Variants in PRKCE observed in about 807,000 individuals in gnomAD.
PRKCE encodes the protein protein kinase C epsilon type.
A neutral mutation model predicts 85.4 loss-of-function variants in PRKCE; 16 were observed. The observed-to-expected ratio is 0.19, with a 90% CI of 0.13 to 0.28. PRKCE has a LOEUF of 0.28. Among genes scored for constraint, PRKCE ranks in the 10% least tolerant of loss-of-function variants. The pLI, the probability that PRKCE is intolerant of heterozygous loss-of-function variation, is 1.00. For synonymous variants in PRKCE, 388 were observed against 371.5 expected (o/e 1.04, Z -0.51); for missense variants, 573 against 975.2 (o/e 0.59, Z 5.49).
chr2:46,037,650 G>A (rs548749409), intron 10 of PRKCE, among the ~76,000 whole-genome samples: 27 of 152,198 alleles, frequency 1.8e-4, no homozygotes, highest in African/African-American at 6.0e-4. Context: ...GAAAACAACC[G>A]CAACTCCCAA....
chr2:45,956,972 C>G (rs1701016772), intron 2 of PRKCE, among the ~76,000 whole-genome samples: 1 of 151,930 alleles, frequency 6.6e-6, no homozygotes, highest in South Asian at 2.1e-4. Context: ...ATTTTTAGCT[C>G]ATTTTTTATT....
chr2:45,768,144 T>C (rs1470511446), intron 1 of PRKCE, among the ~76,000 whole-genome samples: 1 of 152,238 alleles, frequency 6.6e-6, no homozygotes, highest in Non-Finnish European at 1.5e-5. Context: ...CTTTTCCCAC[T>C]CTTCTCCTCC....
At chr2:45,797,346 G>A (rs548349207) in intron 1 of PRKCE, among the ~76,000 whole-genome samples, 2 of 152,290 alleles carry the variant, frequency 1.3e-5, no homozygotes, top group African/African-American at 4.8e-5. Context: ...CCTTACTAGG[G>A]TTTCTCAGCT....
chr2:46,059,625 G>A (rs371059279), intron 10 of PRKCE, among the ~76,000 whole-genome samples: 11 of 152,242 alleles, frequency 7.2e-5, no homozygotes, highest in South Asian at 4.2e-4. Context: ...TATTATTTTA[G>A]TTATTGCCTA....
At chr2:46,180,101 C>T (rs544489054) in intron 14 of PRKCE, among the ~76,000 whole-genome samples, 1 of 152,262 alleles carries the variant, frequency 6.6e-6, no homozygotes, top group East Asian at 1.9e-4. Flanking sequence ...GAAGAGGCCT[C>T]CTCAGTGTGG....
At chr2:45,937,843 G>A (rs1031259365) in intron 2 of PRKCE, among the ~76,000 whole-genome samples, 2 of 152,192 alleles carry the variant, frequency 1.3e-5, no homozygotes, top group African/African-American at 4.8e-5. Context: ...AACTCTGGAA[G>A]GTAGATATTA....
At chr2:45,734,085 G>T (rs997613554) in intron 1 of PRKCE, among the ~76,000 whole-genome samples, 2 of 152,210 alleles carry the variant, frequency 1.3e-5, no homozygotes, top group Non-Finnish European at 2.9e-5. Flanking sequence ...TTAAACCCTG[G>T]GCTGGGTGCG....
chr2:45,763,703 C>A (rs1684695151), intron 1 of PRKCE, among the ~76,000 whole-genome samples: 1 of 152,150 alleles, frequency 6.6e-6, no homozygotes, highest in Admixed American at 6.5e-5. Context: ...TCTGCCCAGA[C>A]TCAGTGAGCG....
intron 2 of PRKCE, among the ~76,000 whole-genome samples, chr2:45,858,768 C>T (rs1052551429): frequency 5.3e-5 from 8 of 152,018 alleles, no homozygotes; most frequent in Non-Finnish European, 1.2e-4. Flanking sequence ...AGGCCGGGTG[C>T]GGTGGCTCAT....
chr2:45,906,489 G>A (rs111508080), intron 2 of PRKCE, among the ~76,000 whole-genome samples: 2,395 of 152,350 alleles, frequency 0.016, 31 homozygotes, highest in Non-Finnish European at 0.022. Flanking sequence ...TCTACCTGTG[G>A]TGCTATGCAT....
At chr2:45,661,029 TC>T (rs1311032674) in intron 1 of PRKCE, among the ~76,000 whole-genome samples, 1 of 152,154 alleles carries the variant, frequency 6.6e-6, no homozygotes, top group African/African-American at 2.4e-5. Context: ...GAGGATCTCC[TC>T]TCTCCTCATC....
At chr2:45,655,742 G>A (rs942140222) in intron 1 of PRKCE, among the ~76,000 whole-genome samples, 3 of 151,284 alleles carry the variant, frequency 2.0e-5, no homozygotes, top group African/African-American at 4.9e-5. Flanking sequence ...AGGCCAAAGT[G>A]GGAGGATTAC....
intron 2 of PRKCE, among the ~76,000 whole-genome samples, chr2:45,948,378 G>C (rs569159429): frequency 6.6e-6 from 1 of 152,342 alleles, no homozygotes; most frequent in Non-Finnish European, 1.5e-5. Context: ...AGTGGCTCAT[G>C]CCTGTAATCC....
chr2:45,939,206 C>T (rs995846933), intron 2 of PRKCE, among the ~76,000 whole-genome samples: 11 of 152,174 alleles, frequency 7.2e-5, no homozygotes, highest in South Asian at 2.1e-4. Flanking sequence ...GGGTGTGTTT[C>T]GGGAAAGAAA....
At chr2:45,900,975 A>G (rs1046903001) in intron 2 of PRKCE, among the ~76,000 whole-genome samples, 4 of 152,232 alleles carry the variant, frequency 2.6e-5, no homozygotes, top group Admixed American at 2.0e-4. Context: ...GACTTTGGGA[A>G]AGAAACTGGG....
chr2:46,095,297 G>A (rs148099315), intron 11 of PRKCE, among the ~76,000 whole-genome samples: 5 of 152,240 alleles, frequency 3.3e-5, no homozygotes, highest in African/African-American at 7.2e-5. Context: ...GGCCAGCATC[G>A]CAGGAACCAA....
chr2:45,663,795 G>T (rs1443328528), intron 1 of PRKCE, among the ~76,000 whole-genome samples: 1 of 150,860 alleles, frequency 6.6e-6, no homozygotes, highest in Non-Finnish European at 1.5e-5. Flanking sequence ...AAAAAAAAAA[G>T]AAAATGTTGG....
At chr2:46,050,133 A>G (rs562700648) in intron 10 of PRKCE, among the ~76,000 whole-genome samples, 175 of 152,336 alleles carry the variant, frequency 1.1e-3, no homozygotes, top group African/African-American at 4.1e-3. Context: ...ATGGCCTGTG[A>G]TGCACATTCC....
chr2:45,761,326 C>CAAAA (rs370710295), intron 1 of PRKCE, among the ~76,000 whole-genome samples: 56 of 82,084 alleles, frequency 6.8e-4, no homozygotes, highest in Admixed American at 9.0e-4. Context: ...GACTCCATCT[C>CAAAA]AAAAAAAAAA....
Sources: allele counts gnomAD v4.1 joint callset (sites outside exome capture counted in the v4.1 genomes callset), GRCh38; gene constraint gnomAD v4.1.1; transcripts MANE v1.5; gene names NCBI Gene and HGNC (gene_info 2026-07-23, HGNC 2026-07-21).